Variants in MGRN1 observed in about 807,000 individuals in gnomAD.
MGRN1 encodes mahogunin ring finger 1, also known as E3 ubiquitin-protein ligase MGRN1.
MGRN1 carries 29 observed loss-of-function variants against 69.2 expected under a neutral mutation model. The ratio of observed to expected loss-of-function variants is 0.42; its 90% CI spans 0.31 to 0.57. MGRN1 has a LOEUF of 0.57. Ranked by LOEUF, MGRN1 falls within the 20% of genes least tolerant of loss-of-function variation. The pLI is 0.15. For synonymous variants in MGRN1, 470 were observed against 344.2 expected (o/e 1.37, Z -4.04); for missense variants, 998 against 796.2 (o/e 1.25, Z -3.05).
chr16:4,637,576 G>A (rs2078061393), intron 1 of MGRN1, among the ~76,000 whole-genome samples: 1 of 152,242 alleles, frequency 6.6e-6, no homozygotes, highest in Non-Finnish European at 1.5e-5. Flanking sequence ...GCAAGAAATG[G>A]AGTGTATTGA....
intron 1 of MGRN1, among the ~76,000 whole-genome samples, chr16:4,625,701 A>C (rs980735543): frequency 6.6e-6 from 1 of 152,222 alleles, no homozygotes; most frequent in South Asian, 2.1e-4. Context: ...GGATGGAAGC[A>C]TAGTTGGGAC....
At chr16:4,635,792 G>A (rs1898255392) in intron 1 of MGRN1, among the ~76,000 whole-genome samples, 1 of 147,750 alleles carries the variant, frequency 6.8e-6, no homozygotes, top group Non-Finnish European at 1.5e-5. Flanking sequence ...CCACTACCAC[G>A]CCCAGCTAAT....
chr16:4,661,308 G>T (rs868730936), intron 5 of MGRN1, among the ~76,000 whole-genome samples: 1 of 152,204 alleles, frequency 6.6e-6, no homozygotes, highest in Non-Finnish European at 1.5e-5. Context: ...GATGTGTGTG[G>T]ACGTTTTCAC....
At position 4,631,242 on chromosome 16, in the gene MGRN1, T is replaced by TA. The variant is rs1897987563; in HGVS notation, c.88+6194_88+6195insA. ...ACTATCATCTTCCCATCAAATTGCC[T>TA]TTGCACCTTTGTCAAAAATTAGTTG... On this transcript the variant is annotated intron_variant, in intron 1 of 16. Transcript: ENST00000262370. 5.9e-5 allele frequency among the ~76,000 whole-genome samples: 9 copies of TA among 152,376 alleles called. No homozygotes were observed. The South Asian group carries it at 1.9e-3, about 32-fold the overall frequency.
chr16:4,654,036 GC>G (rs2078470838), intron 4 of MGRN1, among the ~76,000 whole-genome samples: 1 of 152,146 alleles, frequency 6.6e-6, no homozygotes, highest in African/African-American at 2.4e-5. Context: ...ACAGCCGTGA[GC>G]CCCCATGCCC....
chr16:4,683,995 C>G, intron 16 of MGRN1, 63 bp downstream of exon 16: 1 of 1,427,076 alleles, frequency 7.0e-7, no homozygotes, highest in Non-Finnish European at 9.6e-7. Flanking sequence ...AGGGAGGGGG[C>G]CCTGCTCTGA....
chr16:4,643,087 C>T (rs2078197871), intron 1 of MGRN1, among the ~76,000 whole-genome samples: 1 of 152,104 alleles, frequency 6.6e-6, no homozygotes, highest in South Asian at 2.1e-4. Context: ...TCCTAAGTAG[C>T]TGGGACTATA....
At position 4,682,940 on chromosome 16, in the gene MGRN1, C is replaced by T; in HGVS notation, c.1476C>T (p.Ser492=). The change falls in exon 14 of 17, where the codon TCC becomes TCT. Residue 492 remains serine, a synonymous_variant. Coordinates refer to ENST00000262370, the MANE Select transcript of MGRN1 (RefSeq NM_015246.4). The part of the protein sequence containing the change: ...GAELALRESS[S]PESFITEEVD... ...AGCTGGCCCTGCGGGAAAGCAGCTC[C>T]CCTGAGGTGAGGCCCCCCCGGGGAA... 6.3e-7 allele frequency: 1 copy of T among 1,576,132 alleles called. No homozygotes were observed. Among genetic ancestry groups the T allele is most frequent in the Non-Finnish European group, 8.6e-7 (1 of 1,158,806 alleles).
chr16:4,639,392 G>A (rs1213840987), intron 1 of MGRN1, among the ~76,000 whole-genome samples: 3 of 152,218 alleles, frequency 2.0e-5, no homozygotes, highest in African/African-American at 4.8e-5. Flanking sequence ...GGCGGGGTGG[G>A]CAGGGCATGT....
At chr16:4,660,356 G>A (rs2078649130) in intron 5 of MGRN1, among the ~76,000 whole-genome samples, 2 of 152,244 alleles carry the variant, frequency 1.3e-5, no homozygotes, top group Non-Finnish European at 2.9e-5. Flanking sequence ...GCCGCCCACT[G>A]TAAACCCGTC....
intron 6 of MGRN1, 125 bp downstream of exon 6, chr16:4,664,900 G>A (rs2078765533): frequency 2.9e-6 from 4 of 1,359,010 alleles, no homozygotes; most frequent in Non-Finnish European, 3.1e-6. Flanking sequence ...CTTCCCACAG[G>A]GCAGGGTGTG....
chr16:4,674,626 CTTTTTTTTTTTT>C (rs71139654), intron 10 of MGRN1, among the ~76,000 whole-genome samples: 10 of 47,254 alleles, frequency 2.1e-4, no homozygotes, highest in Admixed American at 6.8e-4. Context: ...CTTTTCTTTT[CTTTTTTTTTTTT>C]TTTTTTTTTT....
intron 5 of MGRN1, among the ~76,000 whole-genome samples, chr16:4,660,218 A>G (rs117485599): frequency 0.02 from 3,074 of 152,302 alleles, 57 homozygotes; most frequent in Middle Eastern, 0.037. Flanking sequence ...TTTTCTCTCT[A>G]GAGTGTTAGG....
chr16:4,641,296 C>T (rs975476502), intron 1 of MGRN1, among the ~76,000 whole-genome samples: 4 of 152,204 alleles, frequency 2.6e-5, no homozygotes, highest in African/African-American at 4.8e-5. Context: ...GGGTCTCCTT[C>T]CCGTGTTTCT....
chr16:4,657,470 C>G (rs556471563), intron 5 of MGRN1, 107 bp downstream of exon 5: 15 of 1,117,774 alleles, frequency 1.3e-5, no homozygotes, highest in Admixed American at 3.5e-5. Flanking sequence ...CTCCAGGGTT[C>G]ATAAGACCTG....
intron 1 of MGRN1, among the ~76,000 whole-genome samples, chr16:4,641,365 CAG>C (rs2078152696): frequency 1.3e-5 from 2 of 152,126 alleles, no homozygotes; most frequent in East Asian, 3.9e-4. Context: ...TTTTTGGAGA[CAG>C]AGTCACGCTG....
chr16:4,677,724 G>T (rs1266743316), intron 11 of MGRN1, 152 bp downstream of exon 11: 6 of 733,688 alleles, frequency 8.2e-6, no homozygotes, highest in South Asian at 3.7e-5. Flanking sequence ...AGGCATGAAG[G>T]GGGTGGCCAG....
intron 10 of MGRN1, among the ~76,000 whole-genome samples, chr16:4,676,709 G>A (rs1448498720): frequency 6.6e-6 from 1 of 152,164 alleles, no homozygotes; most frequent in African/African-American, 2.4e-5. Context: ...CACTAAAGGT[G>A]TCTCAGGAAC....
intron 10 of MGRN1, among the ~76,000 whole-genome samples, chr16:4,673,956 T>A (rs2078998484): frequency 6.6e-6 from 1 of 152,216 alleles, no homozygotes; most frequent in African/African-American, 2.4e-5. Context: ...CGAAAATTGA[T>A]GAGTGAATGA....
Sources: allele counts gnomAD v4.1 joint callset (sites outside exome capture counted in the v4.1 genomes callset), GRCh38; gene constraint gnomAD v4.1.1; transcripts MANE v1.5; gene names NCBI Gene and HGNC (gene_info 2026-07-23, HGNC 2026-07-21).